The following ADAMTS17 variants were observed in gnomAD, a reference collection of about 807,000 sequenced individuals.
The protein encoded by ADAMTS17 is ADAM metallopeptidase with thrombospondin type 1 motif 17.
A neutral mutation model predicts 141.5 loss-of-function variants in ADAMTS17; 113 were observed. The ratio of observed to expected loss-of-function variants is 0.80; its 90% CI spans 0.69 to 0.93. The LOEUF is 0.93. Among genes scored for constraint, ADAMTS17 ranks in the 40% least tolerant of loss-of-function variants. ADAMTS17 has a pLI of 0.00. For missense variants in ADAMTS17, 1,659 were observed against 1,517.9 expected, an observed-to-expected ratio of 1.09 and a Z score of -1.54; for synonymous variants, 768 against 630.6, an observed-to-expected ratio of 1.22 and a Z score of -3.27.
chr15:100,126,044 G>C (rs2141204246), intron 12 of ADAMTS17: 1 of 152,396 alleles, frequency 6.6e-6, no homozygotes, highest in Non-Finnish European at 1.5e-5. Flanking sequence ...TAAGGAGTGA[G>C]ACGGGGAGAG....
chr15:100,257,546 C>A (rs950298624), intron 6 of ADAMTS17, among the ~76,000 whole-genome samples: 1 of 152,240 alleles, frequency 6.6e-6, no homozygotes, highest in African/African-American at 2.4e-5. Context: ...GGGCTGGCAA[C>A]AGCTAATAGC....
chr15:100,330,781 T>A, intron 3 of ADAMTS17, 108 bp downstream of exon 3: 1 of 1,404,910 alleles, frequency 7.1e-7, no homozygotes, highest in Non-Finnish European at 9.8e-7. Flanking sequence ...TTTTGAAATA[T>A]AGGGGAAGGT....
intron 18 of ADAMTS17, among the ~76,000 whole-genome samples, chr15:100,032,468 T>C (rs1352360948): frequency 2.0e-5 from 3 of 152,294 alleles, no homozygotes; most frequent in Non-Finnish European, 4.4e-5. Context: ...TTCTGAAAAA[T>C]TGCTCTAGTG....
chr15:100,251,536 T>C (rs745645811), intron 7 of ADAMTS17, among the ~76,000 whole-genome samples: 5 of 152,186 alleles, frequency 3.3e-5, no homozygotes, highest in African/African-American at 4.8e-5. Flanking sequence ...CCATCCTGGC[T>C]AACATGGTGA....
chr15:100,047,190 T>C (rs912795267), intron 18 of ADAMTS17, among the ~76,000 whole-genome samples: 24 of 150,166 alleles, frequency 1.6e-4, no homozygotes, highest in Admixed American at 1.6e-3. Context: ...CCTAATAAAT[T>C]TTGGTCAGAC....
intron 13 of ADAMTS17, 151 bp downstream of exon 13, chr15:100,116,696 A>C: frequency 9.5e-7 from 1 of 1,055,476 alleles, no homozygotes; most frequent in Non-Finnish European, 1.4e-6. Context: ...CACAACTTAC[A>C]AAGTTGGGCC....
rs777291978 is a variant in ADAMTS17 at position 100,261,671 on chromosome 15, C to T, written c.874-35G>A. ...GTCAGAGGACAGTTAGAGAAACAAA[C>T]GCCTGGGAGGCCAGAGTTTATTTCC... On this transcript the variant is annotated intron_variant, in intron 5 of 21. Transcript: ENST00000268070. The T allele has an allele frequency of 7.1e-5, 114 of 1,603,050 alleles. No homozygotes were observed. In the East Asian group the frequency reaches 1.8e-3, roughly 25 times the overall value.
chr15:100,243,693 G>T (rs1344299897), intron 7 of ADAMTS17, among the ~76,000 whole-genome samples: 5 of 151,824 alleles, frequency 3.3e-5, no homozygotes, highest in Non-Finnish European at 7.4e-5. Context: ...GGGAGGCTGA[G>T]GCAGGAGAAC....
intron 10 of ADAMTS17, among the ~76,000 whole-genome samples, chr15:100,140,296 G>A (rs918721323): frequency 1.3e-5 from 2 of 151,972 alleles, no homozygotes; most frequent in African/African-American, 2.4e-5. Context: ...GTGCCTGGCC[G>A]TGTAAGATGT....
At chr15:100,228,192 C>A (rs1382306399) in intron 7 of ADAMTS17, among the ~76,000 whole-genome samples, 2 of 152,244 alleles carry the variant, frequency 1.3e-5, no homozygotes, top group African/African-American at 4.8e-5. Flanking sequence ...ACATGGCTGA[C>A]TCCTTCTCAC....
intron 18 of ADAMTS17, among the ~76,000 whole-genome samples, chr15:100,003,161 AG>A (rs2060964366): frequency 6.6e-6 from 1 of 152,092 alleles, no homozygotes; most frequent in Non-Finnish European, 1.5e-5. Context: ...TCTCCCCATA[AG>A]AGAGGAGCAC....
rs372084235 is a variant in ADAMTS17 at position 100,211,099 on chromosome 15, C to CAAATAAATAAATAAAT, written c.1076-11692_1076-11677dup. ...TGGGTGATAGAGCGAGACTCAGTCTCAAATAAATAAATAAATAAATAAATA... is the reference window on the plus strand; with the variant it reads ...TGGGTGATAGAGCGAGACTCAGTCTCAAATAAATAAATAAATAAATAAATAAATAAATAAATAAATA... On this transcript the variant is annotated intron_variant, in intron 7 of 21. Transcript: ENST00000268070. 6.5e-3 allele frequency among the ~76,000 whole-genome samples: 855 copies of CAAATAAATAAATAAAT among 131,874 alleles called. 2 individuals carry two copies. The highest frequency in any genetic ancestry group is 9.8e-3 in the Non-Finnish European group (603 of 61,812). The allele number at this position is 131,874 out of a possible 152,430, so 86.5% of individuals were successfully genotyped here.
At chr15:100,241,837 G>A (rs370625262) in intron 7 of ADAMTS17, among the ~76,000 whole-genome samples, 1 of 152,126 alleles carries the variant, frequency 6.6e-6, no homozygotes, top group South Asian at 2.1e-4. Context: ...GCACTTGTCA[G>A]GAATTTCTAA....
At chr15:100,197,753 A>C (rs1435154775) in intron 8 of ADAMTS17, among the ~76,000 whole-genome samples, 2 of 152,180 alleles carry the variant, frequency 1.3e-5, no homozygotes, top group Non-Finnish European at 2.9e-5. Flanking sequence ...TACAATAGGT[A>C]CGGAAAGGCC....
chr15:100,053,471 T>A (rs1173782534), intron 16 of ADAMTS17, among the ~76,000 whole-genome samples: 3 of 151,992 alleles, frequency 2.0e-5, no homozygotes, highest in Non-Finnish European at 4.4e-5. Context: ...GGACCTGGAG[T>A]CATAGTTCAT....
chr15:100,308,809 G>C (rs1323017108), intron 3 of ADAMTS17, among the ~76,000 whole-genome samples: 2 of 152,182 alleles, frequency 1.3e-5, no homozygotes, highest in Non-Finnish European at 2.9e-5. Flanking sequence ...AGGGGACACA[G>C]AGGGACACAA....
chr15:100,315,413 G>T (rs148287232), intron 3 of ADAMTS17, among the ~76,000 whole-genome samples: 158 of 152,310 alleles, frequency 1.0e-3, no homozygotes, highest in Admixed American at 2.0e-3. Flanking sequence ...GGCTGTGTGA[G>T]GGCAGGGACA....
At chr15:100,117,107 G>A in intron 12 of ADAMTS17, 94 bp from the exon 13 acceptor site, 2 of 1,466,792 alleles carry the variant, frequency 1.4e-6, no homozygotes, top group South Asian at 1.2e-5. Context: ...AGGAGAGGAA[G>A]GGGGCAGGGC....
chr15:100,220,807 C>A (rs74037567), intron 7 of ADAMTS17, among the ~76,000 whole-genome samples: 1 of 152,174 alleles, frequency 6.6e-6, no homozygotes, highest in Non-Finnish European at 1.5e-5. Context: ...TTTAGCATAA[C>A]GTTGTCAAGG....
Sources: gnomAD v4.1 joint callset for allele counts (sites outside exome capture counted in the v4.1 genomes callset) on GRCh38, gnomAD v4.1.1 for gene constraint, MANE v1.5 for transcripts, NCBI Gene and HGNC (gene_info 2026-07-23, HGNC 2026-07-21) for gene names.